FRY: variants seen among roughly 807,000 people sequenced by gnomAD.
FRY encodes FRY microtubule binding protein.
A neutral mutation model predicts 348.4 loss-of-function variants in FRY; 128 were observed. That is an observed-to-expected ratio of 0.37 (90% confidence interval 0.32 to 0.43). FRY has a LOEUF of 0.43. FRY is among the 20% of genes least tolerant of loss of function. FRY has a pLI of 1.00. For synonymous variants in FRY, 1,370 were observed against 1,374.7 expected, an observed-to-expected ratio of 1.00 and a Z score of 0.08; for missense variants, 2,736 against 3,695.2, an observed-to-expected ratio of 0.74 and a Z score of 6.73.
chr13:32,060,998 G>T, intron 1 of FRY: 1 of 462,346 alleles, frequency 2.2e-6, no homozygotes, highest in East Asian at 6.6e-5. Flanking sequence ...CACTTATGGT[G>T]GCAGTGAGCA....
At chr13:32,173,627 G>A (rs1882217419) in intron 19 of FRY, 78 bp downstream of exon 19, 1 of 1,034,360 alleles carries the variant, frequency 9.7e-7, no homozygotes, top group Non-Finnish European at 1.5e-6. Context: ...TACAAATGAT[G>A]CATTACTATT....
At chr13:32,040,812 T>C (rs949580784) in intron 1 of FRY, among the ~76,000 whole-genome samples, 2 of 152,124 alleles carry the variant, frequency 1.3e-5, no homozygotes, top group Admixed American at 6.6e-5. Flanking sequence ...ATTCTGAAGG[T>C]TTTTAAATAT....
At chr13:32,105,689 T>C (rs915544562) in intron 3 of FRY, among the ~76,000 whole-genome samples, 1 of 152,196 alleles carries the variant, frequency 6.6e-6, no homozygotes, top group African/African-American at 2.4e-5. Flanking sequence ...GTAGTTGTAA[T>C]AGTAGAGATA....
chr13:32,073,784 T>C (rs1263317261), intron 1 of FRY, among the ~76,000 whole-genome samples: 5 of 152,192 alleles, frequency 3.3e-5, no homozygotes, highest in African/African-American at 1.2e-4. Context: ...AAAATCTGAT[T>C]GAGAAAACCA....
intron 41 of FRY, among the ~76,000 whole-genome samples, chr13:32,232,847 T>C (rs948501765): frequency 1.3e-5 from 2 of 152,144 alleles, no homozygotes; most frequent in African/African-American, 4.8e-5. Context: ...GTTGTGATGG[T>C]GGAGTCTGAG....
At chr13:32,039,272 T>C (rs1482262780) in intron 1 of FRY, among the ~76,000 whole-genome samples, 2 of 152,172 alleles carry the variant, frequency 1.3e-5, no homozygotes, top group African/African-American at 4.8e-5. Flanking sequence ...GATTTCAGAA[T>C]ATGGGGCAGC....
chr13:32,231,765 C>T (rs566816500), intron 41 of FRY, among the ~76,000 whole-genome samples: 2 of 152,334 alleles, frequency 1.3e-5, no homozygotes, highest in East Asian at 1.9e-4. Flanking sequence ...ATTCTAAATA[C>T]AGTGTGACTC....
intron 55 of FRY, among the ~76,000 whole-genome samples, chr13:32,273,991 A>G (rs900396586): frequency 3.9e-5 from 6 of 152,238 alleles, no homozygotes; most frequent in Non-Finnish European, 7.3e-5. Context: ...TGTATCTGCA[A>G]GTATTTCATG....
chr13:32,226,250 G>GT (rs1235634318), intron 39 of FRY, among the ~76,000 whole-genome samples: 2 of 152,162 alleles, frequency 1.3e-5, no homozygotes, highest in East Asian at 3.8e-4. Flanking sequence ...CATTGGAAAT[G>GT]TAAGTGCCCA....
intron 36 of FRY, among the ~76,000 whole-genome samples, chr13:32,220,009 G>C (rs1409607483): frequency 1.3e-5 from 2 of 152,202 alleles, no homozygotes; most frequent in Non-Finnish European, 2.9e-5. Flanking sequence ...AGCAGATACA[G>C]AGTATTAATT....
chr13:32,038,178 T>C (rs1872614030), intron 1 of FRY, among the ~76,000 whole-genome samples: 1 of 152,232 alleles, frequency 6.6e-6, no homozygotes, highest in Admixed American at 6.5e-5. Context: ...GATACCCACA[T>C]GGCATCATGT....
intron 59 of FRY, among the ~76,000 whole-genome samples, chr13:32,293,538 G>GA (rs551290003): frequency 2.0e-5 from 3 of 151,534 alleles, no homozygotes; most frequent in African/African-American, 7.3e-5. Context: ...TTACAAAGAG[G>GA]AAAAAAAACC....
Position 32,131,801 on chromosome 13 carries a change from T to A in FRY, c.846T>A (p.Tyr282Ter). ...MGMKFFRIKM[Y>*]PVEDFEASLQ... ...TGAAATTCTTTCGAATTAAGATGTA[T>A]CCAGTGGAGGATTTTGAGGCCTCTC... The change falls in exon 8 of 61, where the codon TAT becomes TAA. Residue 282 changes from tyrosine to a stop codon, truncating the protein, a stop_gained. Transcript: ENST00000542859. LOFTEE classifies it high-confidence loss of function. 1 of 1,613,906 alleles carries A rather than the reference T, an allele frequency of 6.2e-7. No individual in the cohort carries two copies.
At chr13:32,270,861 T>C (rs1405991788) in intron 55 of FRY, among the ~76,000 whole-genome samples, 1 of 152,242 alleles carries the variant, frequency 6.6e-6, no homozygotes, top group African/African-American at 2.4e-5. Context: ...CTTGCTCACC[T>C]TGATTTCTGA....
chr13:32,181,575 CAAAAAAAAAA>C (rs35272711), intron 23 of FRY, among the ~76,000 whole-genome samples: 1 of 59,038 alleles, frequency 1.7e-5, no homozygotes, highest in African/African-American at 7.2e-5. Flanking sequence ...ACTCCGTCAC[CAAAAAAAAAA>C]AAAAAAAAAA....
intron 4 of FRY, among the ~76,000 whole-genome samples, chr13:32,124,024 G>A (rs1878865033): frequency 6.6e-6 from 1 of 152,096 alleles, no homozygotes; most frequent in Non-Finnish European, 1.5e-5. Flanking sequence ...TTTTAGCAGG[G>A]ACGGGGTTTC....
In FRY at chr13:32,249,546, G is replaced by T. The variant is rs1237222768; in HGVS notation, c.7029G>T (p.Arg2343=). 2 of 1,614,176 alleles carry T rather than the reference G, an allele frequency of 1.2e-6. No individual in the cohort carries two copies. The highest frequency in any genetic ancestry group is 2.2e-5 in the East Asian group (1 of 44,886). The change falls in exon 49 of 61, where the codon CGG becomes CGT. Residue 2343 remains arginine (R), a synonymous_variant. Transcript: ENST00000542859. ...TCAAGACTCCAATCATCGGGAGGCG[G>T]TATGATGAGCTGCAGAATTCTTCTG... ...DISETPIIGR[R]YDELQNSSGR... is the part of the protein sequence containing the mutation.
intron 32 of FRY, 132 bp from the exon 33 acceptor site, chr13:32,209,453 C>T (rs1884553439): frequency 1.2e-6 from 1 of 857,396 alleles, no homozygotes; most frequent in Non-Finnish European, 2.0e-6. Flanking sequence ...TGGCATCTTT[C>T]TGATAAATGG....
intron 7 of FRY, among the ~76,000 whole-genome samples, chr13:32,127,516 A>G (rs954253976): frequency 5.9e-5 from 9 of 152,190 alleles, no homozygotes; most frequent in Admixed American, 3.3e-4. Flanking sequence ...GGTGGCTCAC[A>G]CCTGTAATTC....
Sources: gnomAD v4.1 joint callset for allele counts (sites outside exome capture counted in the v4.1 genomes callset) on GRCh38, gnomAD v4.1.1 for gene constraint, MANE v1.5 for transcripts, NCBI Gene and HGNC (gene_info 2026-07-23, HGNC 2026-07-21) for gene names.